The following ZBED6 variants were observed in gnomAD, a reference collection of about 807,000 sequenced individuals.
ZBED6 encodes zinc finger BED domain-containing protein 6.
ZBED6 carries 40 observed loss-of-function variants against 58.4 expected under a neutral mutation model. That is an observed-to-expected ratio of 0.68 (90% CI 0.53 to 0.89). ZBED6 has a LOEUF of 0.89. Ranked by LOEUF, ZBED6 falls within the 40% of genes least tolerant of loss-of-function variation. The pLI is 0.00. For missense variants in ZBED6, 1,057 were observed against 1,003.9 expected (o/e 1.05, Z -0.71); for synonymous variants, 439 against 350.6 (o/e 1.25, Z -2.82).
chr1:203,849,577 T>G (rs758693019), intron 13 of ZBED6, 134 bp from the exon 14 acceptor site: 1 of 847,788 alleles, frequency 1.2e-6, no homozygotes, highest in Non-Finnish European at 1.9e-6. Flanking sequence ...CTATTTAACA[T>G]CAAATAAAGA....
intron 1 of ZBED6, among the ~76,000 whole-genome samples, chr1:203,815,799 A>G (rs747236395): frequency 5.9e-5 from 9 of 152,080 alleles, no homozygotes; most frequent in Admixed American, 2.6e-4. Context: ...GTAGATCACT[A>G]TTTCTGAAAC....
At chr1:203,845,725 C>T (rs993575071) in intron 11 of ZBED6, among the ~76,000 whole-genome samples, 4 of 151,884 alleles carry the variant, frequency 2.6e-5, no homozygotes, top group African/African-American at 7.3e-5. Flanking sequence ...ATTAGCCAGG[C>T]GTGGTCGTGG....
exon 2 of ZBED6, chr1:203,817,111 C>G: frequency 6.2e-7 from 1 of 1,607,024 alleles, no homozygotes; most frequent in Non-Finnish European, 8.5e-7. Context: ...TTTTTCTATT[C>G]CACATGTACC....
At chr1:203,853,367 A>T (rs550482332) in exon 17 of ZBED6, 1 of 152,532 alleles carries the variant, frequency 6.6e-6, no homozygotes, top group Non-Finnish European at 1.5e-5. Flanking sequence ...GTAGCAGTAC[A>T]CTGAATTGTA....
At chr1:203,852,439 A>C in exon 17 of ZBED6, 1 of 1,603,562 alleles carries the variant, frequency 6.2e-7, no homozygotes, top group Non-Finnish European at 8.5e-7. Flanking sequence ...AATCGCCAAA[A>C]AACTGGACTT....
intron 8 of ZBED6, among the ~76,000 whole-genome samples, chr1:203,833,140 C>A (rs879424445): frequency 6.6e-6 from 1 of 152,046 alleles, no homozygotes; most frequent in African/African-American, 2.4e-5. Context: ...GAGGCCGAGG[C>A]GGGCAGATCA....
chr1:203,819,780 T>TG (rs890805709), intron 3 of ZBED6, among the ~76,000 whole-genome samples: 1 of 142,880 alleles, frequency 7.0e-6, no homozygotes, highest in Non-Finnish European at 1.5e-5. Flanking sequence ...GTGATCCACT[T>TG]GCCTCGGCCT....
chr1:203,808,433 A>G (rs1254819840), intron 1 of ZBED6, among the ~76,000 whole-genome samples: 1 of 152,240 alleles, frequency 6.6e-6, no homozygotes, highest in African/African-American at 2.4e-5. Flanking sequence ...ATGTCTTTAA[A>G]GAAAAGTTCT....
At chr1:203,848,619 G>A (rs1298124664) in intron 13 of ZBED6, among the ~76,000 whole-genome samples, 1 of 152,168 alleles carries the variant, frequency 6.6e-6, no homozygotes, top group Non-Finnish European at 1.5e-5. Flanking sequence ...CGGGCGCGGT[G>A]GCTCACGCCT....
At chr1:203,829,758 T>C in intron 5 of ZBED6, 22 bp from the exon 6 acceptor site, 2 of 1,613,142 alleles carry the variant, frequency 1.2e-6, no homozygotes, top group Non-Finnish European at 1.7e-6. Context: ...ATTGTGAATT[T>C]GCCTTAAATG....
rs537235433 is a variant in ZBED6 at position 203,835,023 on chromosome 1, A to G, written c.*3573+1170A>G. ...TTAAATGTCCTAAAAAGGAAACCTTATCTATCTCTATTTTGTGTTGTCTTT... is the reference window on the plus strand; with the variant it reads ...TTAAATGTCCTAAAAAGGAAACCTTGTCTATCTCTATTTTGTGTTGTCTTT... On this transcript the variant is annotated intron_variant, in intron 9 of 16. Coordinates refer to ENST00000550078, the Ensembl canonical transcript of ZBED6. Among the ~76,000 whole-genome samples, 4 of 152,344 alleles carry G rather than the reference A, an allele frequency of 2.6e-5. No homozygotes were observed. In the East Asian group the frequency reaches 5.8e-4, roughly 22 times the overall value.
intron 1 of ZBED6, among the ~76,000 whole-genome samples, chr1:203,804,405 G>C (rs1671546279): frequency 6.6e-6 from 1 of 151,770 alleles, no homozygotes; most frequent in African/African-American, 2.4e-5. Flanking sequence ...GCCCGCCTCG[G>C]CCTCCCAAAG....
intron 10 of ZBED6, among the ~76,000 whole-genome samples, chr1:203,839,594 A>G (rs1685456777): frequency 6.6e-6 from 1 of 152,162 alleles, no homozygotes; most frequent in African/African-American, 2.4e-5. Flanking sequence ...AGAGCAAGCA[A>G]AAGTTACTTT....
At chr1:203,798,195 G>C in exon 1 of ZBED6, 1 of 1,536,120 alleles carries the variant, frequency 6.5e-7, no homozygotes, top group Non-Finnish European at 8.7e-7. Flanking sequence ...TCCATTAGAT[G>C]ATAATAGAAT....
chr1:203,845,095 G>A (rs1367366526), intron 11 of ZBED6, among the ~76,000 whole-genome samples: 1 of 152,006 alleles, frequency 6.6e-6, no homozygotes, highest in Non-Finnish European at 1.5e-5. Flanking sequence ...TGTATTGGGA[G>A]GAACAGAACT....
exon 17 of ZBED6, chr1:203,852,342 T>A: frequency 6.2e-7 from 1 of 1,613,656 alleles, no homozygotes; most frequent in Non-Finnish European, 8.5e-7. Flanking sequence ...TTGACCTGGA[T>A]CCTGGGAAAG....
At chr1:203,816,927 A>T (rs1676579422) in exon 2 of ZBED6, 1 of 556,568 alleles carries the variant, frequency 1.8e-6, no homozygotes, top group Non-Finnish European at 3.2e-6. Context: ...TCATTTTAGG[A>T]TTACAGTTTA....
At chr1:203,836,295 T>C (rs529286850) in intron 9 of ZBED6, among the ~76,000 whole-genome samples, 5 of 152,346 alleles carry the variant, frequency 3.3e-5, no homozygotes, top group Non-Finnish European at 7.3e-5. Context: ...TTTGTGATGG[T>C]TTTATATTTA....
At chr1:203,815,625 G>C (rs1226770771) in intron 1 of ZBED6, among the ~76,000 whole-genome samples, 1 of 152,100 alleles carries the variant, frequency 6.6e-6, no homozygotes, top group Non-Finnish European at 1.5e-5. Flanking sequence ...CGAAGGGTAT[G>C]TAAACTTTAA....
Sources: gnomAD v4.1 joint callset for allele counts (sites outside exome capture counted in the v4.1 genomes callset) on GRCh38, gnomAD v4.1.1 for gene constraint, MANE v1.5 for transcripts, NCBI Gene and HGNC (gene_info 2026-07-23, HGNC 2026-07-21) for gene names.